SCMH1: variants seen among roughly 807,000 people sequenced by gnomAD.
SCMH1 encodes Scm polycomb group protein homolog 1.
A neutral mutation model predicts 70.8 loss-of-function variants in SCMH1; 37 were observed. That is an observed-to-expected ratio of 0.52 (90% CI 0.40 to 0.69). The LOEUF (loss-of-function observed/expected upper bound fraction) is 0.69. Among genes scored for constraint, SCMH1 ranks in the 30% least tolerant of loss-of-function variants. The pLI is 0.00. For missense variants in SCMH1, 607 were observed against 827.3 expected (o/e 0.73, Z 3.27); for synonymous variants, 292 against 307.4 (o/e 0.95, Z 0.52).
chr1:41,103,770 C>T (rs555020320), intron 8 of SCMH1, among the ~76,000 whole-genome samples: 7 of 152,116 alleles, frequency 4.6e-5, no homozygotes, highest in African/African-American at 1.2e-4. Context: ...AGAGAGAGAG[C>T]GAATGGGCAG....
intron 2 of SCMH1, among the ~76,000 whole-genome samples, chr1:41,173,148 A>T (rs988809724): frequency 6.6e-6 from 1 of 152,132 alleles, no homozygotes; most frequent in African/African-American, 2.4e-5. Context: ...CAATCAACAG[A>T]GGGAAAAGAG....
intron 5 of SCMH1, among the ~76,000 whole-genome samples, chr1:41,151,249 G>A (rs954111953): frequency 1.3e-5 from 2 of 152,176 alleles, no homozygotes; most frequent in Non-Finnish European, 1.5e-5. Context: ...ATTGTGACAG[G>A]AGTGCTGAGT....
chr1:41,172,333 A>G (rs1180056279), intron 2 of SCMH1, among the ~76,000 whole-genome samples: 1 of 152,064 alleles, frequency 6.6e-6, no homozygotes, highest in African/African-American at 2.4e-5. Context: ...AAGTAATCTC[A>G]TTTACAATAG....
intron 1 of SCMH1, among the ~76,000 whole-genome samples, chr1:41,216,023 C>A (rs1013849409): frequency 1.3e-5 from 2 of 152,224 alleles, no homozygotes; most frequent in Admixed American, 1.3e-4. Context: ...CTGAAGGTCC[C>A]TGTTAGCATT....
intron 10 of SCMH1, among the ~76,000 whole-genome samples, chr1:41,066,175 C>T (rs1654526669): frequency 6.6e-6 from 1 of 152,204 alleles, no homozygotes; most frequent in Non-Finnish European, 1.5e-5. Context: ...ACTGTAGCTG[C>T]TTATGGCTCA....
At chr1:41,158,375 CAG>C (rs761469635) in intron 4 of SCMH1, among the ~76,000 whole-genome samples, 125 of 152,292 alleles carry the variant, frequency 8.2e-4, no homozygotes, top group Non-Finnish European at 1.2e-3. Context: ...ACTGGAGAGA[CAG>C]AGGGTGCTAC....
At chr1:41,175,283 T>C (rs1036838591) in intron 2 of SCMH1, among the ~76,000 whole-genome samples, 9 of 152,208 alleles carry the variant, frequency 5.9e-5, no homozygotes, top group Non-Finnish European at 4.4e-5. Flanking sequence ...GACATCCATC[T>C]TCTCCTGCCC....
chr1:41,135,399 C>T (rs1019433360), intron 6 of SCMH1, among the ~76,000 whole-genome samples: 5 of 152,070 alleles, frequency 3.3e-5, no homozygotes, highest in Admixed American at 2.0e-4. Flanking sequence ...GGCAGTTTCC[C>T]CTATGCTATT....
At chr1:41,075,109 G>A (rs765980605) in intron 9 of SCMH1, 110 bp downstream of exon 9, 7 of 984,086 alleles carry the variant, frequency 7.1e-6, no homozygotes, top group Non-Finnish European at 1.1e-5. Context: ...TGATCCGCCC[G>A]CCTCGGCCTC....
At chr1:41,201,777 A>C (rs1654409456) in intron 1 of SCMH1, among the ~76,000 whole-genome samples, 1 of 152,206 alleles carries the variant, frequency 6.6e-6, no homozygotes, top group Non-Finnish European at 1.5e-5. Flanking sequence ...TATTTGGCTA[A>C]GGGATATCAT....
Position 41,032,978 on chromosome 1 carries a change from C to CAAAAA in SCMH1, c.1679-4257_1679-4253dup, listed in dbSNP as rs1327396809. 5.0e-3 allele frequency among the ~76,000 whole-genome samples: 346 copies of CAAAAA among 69,018 alleles called. 1 individual carries two copies. The highest frequency in any genetic ancestry group is 0.024 in the South Asian group (54 of 2,248). 45.3% of individuals were successfully genotyped at this position (69,018 alleles called of 152,430 possible). On this transcript the variant is annotated intron_variant, in intron 13 of 14. Transcript: ENST00000337495. ...TGGGCGACAGAGTGAGACTCTGTCT[C>CAAAAA]AAAAAAAAAAAAAAAAAGACAGAGG...
chr1:41,200,083 T>C (rs1055998247), intron 1 of SCMH1, among the ~76,000 whole-genome samples: 4 of 152,178 alleles, frequency 2.6e-5, no homozygotes, highest in African/African-American at 9.7e-5. Context: ...AGGAACTAAT[T>C]GGCACTGGCT....
At chr1:41,075,182 C>T in intron 9 of SCMH1, 37 bp downstream of exon 9, 1 of 1,603,122 alleles carries the variant, frequency 6.2e-7, no homozygotes, top group Non-Finnish European at 8.5e-7. Context: ...CCTTTATAAA[C>T]CCTTATTCCT....
intron 2 of SCMH1, among the ~76,000 whole-genome samples, chr1:41,181,613 G>C (rs1181407889): frequency 6.6e-6 from 1 of 152,136 alleles, no homozygotes; most frequent in African/African-American, 2.4e-5. Flanking sequence ...CATCATCACT[G>C]GCCATCAGAA....
At chr1:41,199,549 CT>C (rs1366301628) in intron 1 of SCMH1, among the ~76,000 whole-genome samples, 1 of 152,008 alleles carries the variant, frequency 6.6e-6, no homozygotes, top group Non-Finnish European at 1.5e-5. Flanking sequence ...TTAAGCTGAA[CT>C]TTGGAAGTTA....
rs182117213 is a variant in SCMH1, at chr1:41,078,718, A to G, written c.746-3267T>C. On this transcript the variant is annotated intron_variant, in intron 8 of 14. Transcript: ENST00000337495. ...ATCCTTCAGAAATAAAGGTAAAATAATGAGATTTTCAAATAATCAAAGTTG... is the reference window on the plus strand; with the variant it reads ...ATCCTTCAGAAATAAAGGTAAAATAGTGAGATTTTCAAATAATCAAAGTTG... Among the ~76,000 whole-genome samples, 7 of 152,344 alleles carry G rather than the reference A, an allele frequency of 4.6e-5. No homozygotes were observed. The East Asian group carries it at 1.2e-3, about 25-fold the overall frequency.
intron 8 of SCMH1, among the ~76,000 whole-genome samples, chr1:41,081,578 G>A (rs887229058): frequency 6.6e-6 from 1 of 152,180 alleles, no homozygotes; most frequent in Non-Finnish European, 1.5e-5. Context: ...AGCACTCTGG[G>A]AGACTGAGGC....
At chr1:41,232,356 A>G (rs1173364619) in intron 1 of SCMH1, among the ~76,000 whole-genome samples, 1 of 152,224 alleles carries the variant, frequency 6.6e-6, no homozygotes, top group African/African-American at 2.4e-5. Flanking sequence ...TATGACTTTG[A>G]TTTGCTAAAC....
chr1:41,176,352 T>A (rs565375804), intron 2 of SCMH1, among the ~76,000 whole-genome samples: 1 of 152,254 alleles, frequency 6.6e-6, no homozygotes, highest in South Asian at 2.1e-4. Context: ...ATTTCTGCAT[T>A]TCCAACTGAG....
Sources: allele counts gnomAD v4.1 joint callset (sites outside exome capture counted in the v4.1 genomes callset), GRCh38; gene constraint gnomAD v4.1.1; transcripts MANE v1.5; gene names NCBI Gene and HGNC (gene_info 2026-07-23, HGNC 2026-07-21).